ZBTB7B: variants seen among roughly 807,000 people sequenced by gnomAD.
ZBTB7B encodes the protein zinc finger and BTB domain-containing protein 7B.
Under a neutral mutation model 31.0 loss-of-function variants are expected in ZBTB7B, and 8 were observed. The ratio of observed to expected loss-of-function variants is 0.26; its 90% confidence interval spans 0.15 to 0.47. The LOEUF is 0.47. ZBTB7B is among the 20% of genes least tolerant of loss of function. The probability of loss-of-function intolerance (pLI) is 0.99; values close to 1 mark genes in which losing one functional copy is unlikely to be tolerated. For missense variants in ZBTB7B, 494 were observed against 742.4 expected (o/e 0.67, Z 3.89); for synonymous variants, 261 against 307.3 (o/e 0.85, Z 1.58).
chr1:155,016,439 C>T lies in ZBTB7B; in HGVS notation c.1374C>T (p.Arg458=). 2.5e-6 allele frequency: 4 copies of T among 1,614,100 alleles called. No individual in the cohort carries two copies. The highest frequency in any genetic ancestry group is 1.7e-5 in the Admixed American group (1 of 60,024). Reference sequence around the variant, plus strand: ...AAGGCCAGAACTGCCTGGAGGTGCGCACCCGACGGCGCCGCAAGGACGATG... The same window carrying T: ...AAGGCCAGAACTGCCTGGAGGTGCGTACCCGACGGCGCCGCAAGGACGATG... ...HLKGQNCLEV[R]TRRRRKDDAP... Residue 458 remains arginine, a synonymous_variant, in exon 3 of 3, where the codon CGC becomes CGT. Coordinates refer to ENST00000535420, the MANE Select transcript of ZBTB7B (RefSeq NM_001256455.2). The surrounding 1 kb of genome is among the most constrained non-coding windows in gnomAD (Gnocchi z 4.3).
Position 155,015,597 on chromosome 1 carries a change from G to C in ZBTB7B, c.937G>C (p.Asp313His), listed in dbSNP as rs1000840671. The C allele has an allele frequency of 1.9e-6, 3 of 1,613,764 alleles. No homozygotes were observed. Among genetic ancestry groups the C allele is most frequent in the Non-Finnish European group, 2.5e-6 (3 of 1,179,990 alleles). ...LGSDEDAIDP[D>H]LMAYLSSLHQ... ...CTCAGATGAGGATGCCATCGATCCT[G>C]ACCTGATGGCCTACCTAAGCTCCCT... The change falls in exon 2 of 3, where the codon GAC becomes CAC. Residue 313 changes from aspartate to histidine, a missense_variant. Transcript: ENST00000535420.
intron 1 of ZBTB7B, among the ~76,000 whole-genome samples, chr1:155,007,739 AGGAG>A (rs1658649938): frequency 6.6e-6 from 1 of 151,906 alleles, no homozygotes; most frequent in African/African-American, 2.4e-5. Context: ...GCAGGGGGGT[AGGAG>A]GGAGAGGAGG....
chr1:155,007,040 C>T (rs894529875), intron 1 of ZBTB7B, among the ~76,000 whole-genome samples: 18 of 152,242 alleles, frequency 1.2e-4, no homozygotes, highest in Non-Finnish European at 2.9e-5. Flanking sequence ...TCCTTGAGCT[C>T]TCAATTTGGC....
Position 155,016,170 on chromosome 1 carries a change from A to G in ZBTB7B, c.1155-50A>G, listed in dbSNP as rs1184221253. 14 of 1,555,526 alleles carry G rather than the reference A, an allele frequency of 9.0e-6. No homozygotes were observed. The highest frequency in any genetic ancestry group is 1.2e-5 in the Non-Finnish European group (14 of 1,137,078). On this transcript the variant is annotated intron_variant, in intron 2 of 2. Coordinates refer to ENST00000535420, the MANE Select transcript of ZBTB7B (RefSeq NM_001256455.2). This position sits in a 1 kb window ranked among gnomAD's most constrained non-coding sequence, Gnocchi z 4.3. ...CAGGGTGGGATGACCAGGAGGAGCC[A>G]GGGATCCCATCCTGAACACCTCCCT...
At chr1:155,013,489 G>C (rs1340093289) in intron 1 of ZBTB7B, among the ~76,000 whole-genome samples, 1 of 152,230 alleles carries the variant, frequency 6.6e-6, no homozygotes. Context: ...CAAGACAGTA[G>C]CAGAGCCAGG....
At chr1:155,008,092 G>A (rs1658672867) in intron 1 of ZBTB7B, among the ~76,000 whole-genome samples, 2 of 152,138 alleles carry the variant, frequency 1.3e-5, no homozygotes, top group South Asian at 4.1e-4. Flanking sequence ...TGCGCAAGGG[G>A]TGGGGCTAGG....
At chr1:155,005,741 C>A (rs971517648) in intron 1 of ZBTB7B, among the ~76,000 whole-genome samples, 1 of 152,166 alleles carries the variant, frequency 6.6e-6, no homozygotes, top group African/African-American at 2.4e-5. Context: ...ATGGATAGGA[C>A]CCTGGCATGG....
rs1553257996 is a variant in ZBTB7B at position 155,018,331 on chromosome 1, C to G, written c.*1646C>G. 1.7e-6 allele frequency: 1 copy of G among 587,712 alleles called. No individual in the cohort carries two copies. Among genetic ancestry groups the G allele is most frequent in the East Asian group, 2.9e-5 (1 of 34,872 alleles). 36.4% of individuals were successfully genotyped at this position (587,712 alleles called of 1,614,324 possible). On this transcript the variant is annotated 3_prime_UTR_variant, in exon 3 of 3. Transcript: ENST00000535420. Reference sequence around the variant, plus strand: ...TAGCATTTCAGGTGATGGGGGGAGCCCAGGGCTGGGGAGACCTGGGGCCCA... The same window carrying G: ...TAGCATTTCAGGTGATGGGGGGAGCGCAGGGCTGGGGAGACCTGGGGCCCA...
At chr1:155,005,836 T>C (rs1488065324) in intron 1 of ZBTB7B, among the ~76,000 whole-genome samples, 2 of 152,146 alleles carry the variant, frequency 1.3e-5, no homozygotes, top group Non-Finnish European at 2.9e-5. Flanking sequence ...CAGTTTGAAG[T>C]TGCCTCGCTG....
chr1:155,014,619 G>A (rs998198708), intron 1 of ZBTB7B, 36 bp from the exon 2 acceptor site: 4 of 1,575,710 alleles, frequency 2.5e-6, no homozygotes, highest in Admixed American at 3.6e-5. Flanking sequence ...CCTGTGGGCT[G>A]AGCGCTCTTA....
At chr1:155,011,301 C>T (rs1038200459) in intron 1 of ZBTB7B, among the ~76,000 whole-genome samples, 9 of 152,272 alleles carry the variant, frequency 5.9e-5, no homozygotes, top group South Asian at 2.1e-4. Context: ...GAGTTCCCAT[C>T]TCCCTTTTCT....
chr1:155,016,461 G>A lies in ZBTB7B; in HGVS notation c.1396G>A (p.Asp466Asn). ...EVRTRRRRKD[D>N]APPHYPPPST... ...GCGCACCCGACGGCGCCGCAAGGAC[G>A]ATGCACCACCCCACTACCCACCACC... The change falls in exon 3 of 3, where the codon GAT becomes AAT. Residue 466 changes from aspartate (D) to asparagine (N), a missense_variant. Asp to Asn is a conservative substitution (Grantham distance 23, BLOSUM62 1). Coordinates refer to ENST00000535420, the MANE Select transcript of ZBTB7B (RefSeq NM_001256455.2). The surrounding 1 kb of genome is among the most constrained non-coding windows in gnomAD (Gnocchi z 4.3). 1.9e-6 allele frequency: 3 copies of A among 1,614,052 alleles called. No homozygotes were observed. Among genetic ancestry groups the A allele is most frequent in the East Asian group, 2.2e-5 (1 of 44,884 alleles).
chr1:155,006,905 A>C (rs1219059243), intron 1 of ZBTB7B, among the ~76,000 whole-genome samples: 1 of 152,150 alleles, frequency 6.6e-6, no homozygotes, highest in Non-Finnish European at 1.5e-5. Context: ...ATTCATGACC[A>C]AGTCATCTGC....
rs1199727369 is a variant in ZBTB7B, at chr1:155,003,916, T to TGGGCAGCGG, written c.-7+975_-7+983dup. ...TGGGGGCGGGAGTGGGGGGGCGGCG[T>TGGGCAGCGG]GGGCAGCGGGTTGTGCCCGGACACG... On this transcript the variant is annotated intron_variant, in intron 1 of 2. Coordinates refer to ENST00000535420, the MANE Select transcript of ZBTB7B (RefSeq NM_001256455.2). This position sits in a 1 kb window ranked among gnomAD's most constrained non-coding sequence, Gnocchi z 5.8. Among the ~76,000 whole-genome samples the TGGGCAGCGG allele has an allele frequency of 6.6e-6, 1 of 151,686 alleles. No homozygotes were observed. The highest frequency in any genetic ancestry group is 1.5e-5 in the Non-Finnish European group (1 of 67,894).
chr1:155,007,348 T>C (rs1331656682), intron 1 of ZBTB7B, among the ~76,000 whole-genome samples: 1 of 152,088 alleles, frequency 6.6e-6, no homozygotes, highest in Non-Finnish European at 1.5e-5. Context: ...TTTATGGGGA[T>C]CAAAGGGCAG....
In ZBTB7B at chr1:155,016,493, C is replaced by T. The variant is rs775758886; in HGVS notation, c.1428C>T (p.Thr476=). The change falls in exon 3 of 3, where the codon ACC becomes ACT. Residue 476 remains threonine (T), a synonymous_variant. Coordinates refer to ENST00000535420, the MANE Select transcript of ZBTB7B (RefSeq NM_001256455.2). The surrounding 1 kb of genome is among the most constrained non-coding windows in gnomAD (Gnocchi z 4.3). ...CACCCCACTACCCACCACCCTCTAC[C>T]GCTGCTGCATCCCCCGCTGGCCTCG... ...DAPPHYPPPS[T]AAASPAGLDL... 6.2e-6 allele frequency: 10 copies of T among 1,614,062 alleles called. No homozygotes were observed. Among genetic ancestry groups the T allele is most frequent in the South Asian group, 3.3e-5 (3 of 91,082 alleles).
chr1:155,006,284 C>T (rs1338165787), intron 1 of ZBTB7B, among the ~76,000 whole-genome samples: 1 of 152,206 alleles, frequency 6.6e-6, no homozygotes, highest in Non-Finnish European at 1.5e-5. Flanking sequence ...TTCCCTGAGG[C>T]CTCCAGATGC....
In ZBTB7B at chr1:155,016,861, G is replaced by T; in HGVS notation, c.*176G>T. The T allele has an allele frequency of 1.8e-6, 1 of 566,760 alleles. No homozygotes were observed. Among genetic ancestry groups the T allele is most frequent in the Non-Finnish European group, 3.1e-6 (1 of 318,542 alleles). The allele number at this position is 566,760 out of a possible 1,614,324, so 35.1% of individuals were successfully genotyped here. ...TCCAAGCTAAGAAGGTATTGGGGCA[G>T]AGGCTCCCCAAATTGGGGTGATCCC... is the stretch of plus-strand genomic sequence containing the variant. On this transcript the variant is annotated 3_prime_UTR_variant, in exon 3 of 3. Coordinates refer to ENST00000535420, the MANE Select transcript of ZBTB7B (RefSeq NM_001256455.2). The surrounding 1 kb of genome is among the most constrained non-coding windows in gnomAD (Gnocchi z 4.3).
Position 155,004,642 on chromosome 1 carries a change from A to T in ZBTB7B, c.-7+1699A>T, listed in dbSNP as rs1658449703. Reference sequence around the variant, plus strand: ...ATATGTGTGACTATGTCTGGATGATAGTTAGTGTTCCTCCTTAGTGGTAAC... The same window carrying T: ...ATATGTGTGACTATGTCTGGATGATTGTTAGTGTTCCTCCTTAGTGGTAAC... On this transcript the variant is annotated intron_variant, in intron 1 of 2. Coordinates refer to ENST00000535420, the MANE Select transcript of ZBTB7B (RefSeq NM_001256455.2). The surrounding 1 kb of genome is among the most constrained non-coding windows in gnomAD (Gnocchi z 4.0). 6.6e-6 allele frequency among the ~76,000 whole-genome samples: 1 copy of T among 152,022 alleles called. No individual in the cohort carries two copies. Among genetic ancestry groups the T allele is most frequent in the Non-Finnish European group, 1.5e-5 (1 of 67,974 alleles).
Sources: gnomAD v4.1 joint callset for allele counts (sites outside exome capture counted in the v4.1 genomes callset) on GRCh38, gnomAD v4.1.1 for gene constraint, Gnocchi (gnomAD v3.1) non-coding constraint, MANE v1.5 for transcripts, NCBI Gene and HGNC (gene_info 2026-07-23, HGNC 2026-07-21) for gene names.